SNRPN: variants seen among roughly 807,000 people sequenced by gnomAD.
SNRPN encodes small nuclear ribonucleoprotein-associated protein N.
SNRPN carries 7 observed loss-of-function variants against 25.2 expected under a neutral mutation model. That is an observed-to-expected ratio of 0.28 (90% CI 0.16 to 0.52). The LOEUF is 0.52. Among genes scored for constraint, SNRPN ranks in the 20% least tolerant of loss-of-function variants. The probability of loss-of-function intolerance (pLI) is 0.96; values close to 1 mark genes in which losing one functional copy is unlikely to be tolerated. For missense variants in SNRPN, 196 were observed against 322.5 expected (o/e 0.61, Z 3.00); for synonymous variants, 124 against 110.6 (o/e 1.12, Z -0.76).
upstream of SNRPN, chr15:24,954,862 A>T: frequency 1.3e-6 from 1 of 748,480 alleles, no homozygotes; most frequent in Non-Finnish European, 2.2e-6. Flanking sequence ...CATTCCGGTG[A>T]GGGAGGGAGC....
chr15:24,927,665 C>A (rs913252689), intron 3 of SNRPN, among the ~76,000 whole-genome samples: 18 of 151,804 alleles, frequency 1.2e-4, no homozygotes, highest in African/African-American at 3.4e-4. Context: ...ATCTACAGGC[C>A]ATAACCCAGT....
intron 1 of SNRPN, among the ~76,000 whole-genome samples, chr15:24,956,512 A>T (rs4906940): frequency 0.34 from 51,194 of 151,966 alleles, 8,973 homozygotes; most frequent in East Asian, 0.51. Context: ...CCCCTCCCCA[A>T]AGTGCTGCTT....
intron 2 of SNRPN, among the ~76,000 whole-genome samples, chr15:24,843,011 GGTTT>G (rs2099838466): frequency 1.3e-5 from 2 of 151,994 alleles, no homozygotes; most frequent in Admixed American, 1.3e-4. Flanking sequence ...CTGTATCAAT[GGTTT>G]GTTTCTTTTT....
chr15:24,842,463 G>A (rs1276404294), intron 2 of SNRPN, among the ~76,000 whole-genome samples: 2 of 152,124 alleles, frequency 1.3e-5, no homozygotes, highest in Non-Finnish European at 2.9e-5. Flanking sequence ...ATCCCCAAAG[G>A]CTCAAGAAGG....
chr15:24,905,650 G>A (rs913435592), intron 2 of SNRPN, among the ~76,000 whole-genome samples: 5 of 152,158 alleles, frequency 3.3e-5, no homozygotes, highest in African/African-American at 1.2e-4. Flanking sequence ...CTAGGTGGTT[G>A]TAGCTGCCAG....
intron 2 of SNRPN, among the ~76,000 whole-genome samples, chr15:24,839,496 A>G (rs2051496248): frequency 6.6e-6 from 1 of 152,074 alleles, no homozygotes; most frequent in Non-Finnish European, 1.5e-5. Context: ...TAAATATTCT[A>G]GTCACTCAAT....
chr15:24,928,063 T>C (rs2060533702), intron 3 of SNRPN, among the ~76,000 whole-genome samples: 1 of 152,202 alleles, frequency 6.6e-6, no homozygotes, highest in Admixed American at 6.5e-5. Context: ...TTTGCTGTTA[T>C]CACAAAGACA....
At chr15:24,847,381 C>A (rs1189729631) in intron 2 of SNRPN, among the ~76,000 whole-genome samples, 2 of 152,200 alleles carry the variant, frequency 1.3e-5, no homozygotes, top group Non-Finnish European at 2.9e-5. Flanking sequence ...TGGCTCATGC[C>A]TGTAATCCCA....
At chr15:24,825,964 G>A (rs986319758) in intron 1 of SNRPN, among the ~76,000 whole-genome samples, 1 of 152,076 alleles carries the variant, frequency 6.6e-6, no homozygotes, top group Non-Finnish European at 1.5e-5. Context: ...TTTGGGTCAA[G>A]GGGGAGGGGT....
chr15:24,887,946 G>T (rs566215482), intron 2 of SNRPN, among the ~76,000 whole-genome samples: 306 of 152,256 alleles, frequency 2.0e-3, no homozygotes, highest in African/African-American at 7.1e-3. Context: ...TAGGACAGTA[G>T]AGAAAGTAAG....
At chr15:24,903,833 G>A (rs934598715) in intron 2 of SNRPN, among the ~76,000 whole-genome samples, 1 of 152,098 alleles carries the variant, frequency 6.6e-6, no homozygotes, top group African/African-American at 2.4e-5. Context: ...AGGAGTTCGA[G>A]ACCAGCTTGG....
At chr15:24,930,313 T>C (rs953213545) in intron 3 of SNRPN, among the ~76,000 whole-genome samples, 9 of 151,292 alleles carry the variant, frequency 5.9e-5, no homozygotes, top group South Asian at 4.2e-4. Context: ...TTTATTTCAA[T>C]GATGAGATGG....
intron 1 of SNRPN, among the ~76,000 whole-genome samples, chr15:24,827,079 T>C (rs1047511763): frequency 6.6e-6 from 1 of 152,042 alleles, no homozygotes; most frequent in Admixed American, 6.6e-5. Context: ...ATATAAAACA[T>C]TTTTTAACTG....
chr15:24,854,388 A>G (rs143928494), upstream of SNRPN, among the ~76,000 whole-genome samples: 338 of 152,342 alleles, frequency 2.2e-3, 1 homozygote, highest in Non-Finnish European at 3.7e-3. Flanking sequence ...GTGATCATGT[A>G]GATCACCCTC....
chr15:24,948,151 G>T (rs1376547613), intron 3 of SNRPN, among the ~76,000 whole-genome samples: 3 of 151,590 alleles, frequency 2.0e-5, no homozygotes, highest in East Asian at 3.9e-4. Flanking sequence ...TCACTCTGTC[G>T]CTCAGGCTGG....
chr15:24,841,324 C>T (rs1275515213), intron 2 of SNRPN, among the ~76,000 whole-genome samples: 1 of 151,950 alleles, frequency 6.6e-6, no homozygotes, highest in Non-Finnish European at 1.5e-5. Flanking sequence ...GCATAATCTT[C>T]CAGGACATCA....
rs749615940 is a variant in SNRPN at position 24,918,342 on chromosome 15, A to ATATATATAACATAATATATGTG, written c.-504-1661_-504-1660insACATAATATATGTGTATATATA. Among the ~76,000 whole-genome samples the ATATATATAACATAATATATGTG allele has an allele frequency of 5.5e-3, 260 of 47,104 alleles. 49 individuals carry two copies. The highest frequency in any genetic ancestry group is 0.021 in the African/African-American group (243 of 11,488). The allele number at this position is 47,104 out of a possible 152,430, so 30.9% of individuals were successfully genotyped here. On this transcript the variant is annotated intron_variant, in intron 2 of 11. Coordinates refer to the SNRPN transcript ENST00000400097. ...TATATATAACATAATATATATGTGT[A>ATATATATAACATAATATATGTG]TATATATATAACATTATATATATGT...
chr15:24,844,188 G>A (rs1055480274), intron 2 of SNRPN, among the ~76,000 whole-genome samples: 3 of 151,806 alleles, frequency 2.0e-5, no homozygotes, highest in African/African-American at 7.3e-5. Flanking sequence ...GTGTATATAT[G>A]TATATATATC....
At chr15:24,835,724 G>A (rs368538498) in intron 2 of SNRPN, among the ~76,000 whole-genome samples, 34 of 152,210 alleles carry the variant, frequency 2.2e-4, no homozygotes, top group African/African-American at 8.0e-4. Context: ...CTTTTTAAAC[G>A]TACCATGGGG....
Sources: allele counts gnomAD v4.1 joint callset (sites outside exome capture counted in the v4.1 genomes callset), GRCh38; gene constraint gnomAD v4.1.1; transcripts MANE v1.5; gene names NCBI Gene and HGNC (gene_info 2026-07-23, HGNC 2026-07-21).